ANKS1B: variants seen among roughly 807,000 people sequenced by gnomAD.
The protein encoded by ANKS1B is ankyrin repeat and sterile alpha motif domain-containing protein 1B.
Under a neutral mutation model 148.3 loss-of-function variants are expected in ANKS1B, and 36 were observed. The ratio of observed to expected loss-of-function variants is 0.24; its 90% CI spans 0.19 to 0.32. The LOEUF is 0.32. Ranked by LOEUF, ANKS1B falls within the 10% of genes least tolerant of loss-of-function variation. ANKS1B has a pLI of 1.00. For missense variants in ANKS1B, 1,157 were observed against 1,542.6 expected (o/e 0.75, Z 4.19); for synonymous variants, 542 against 560.8 (o/e 0.97, Z 0.47).
intron 11 of ANKS1B, among the ~76,000 whole-genome samples, chr12:99,430,258 A>G (rs2095346464): frequency 6.6e-6 from 1 of 152,198 alleles, no homozygotes. Flanking sequence ...TCAAGTCAAA[A>G]GAATTAAGAC....
intron 25 of ANKS1B, among the ~76,000 whole-genome samples, chr12:98,768,426 T>TAAAAA (rs386377533): frequency 0.038 from 1,754 of 46,690 alleles, 212 homozygotes; most frequent in Middle Eastern, 0.056. Flanking sequence ...GGGTGCTCTC[T>TAAAAA]AAAAAAAAAA....
At chr12:98,890,005 G>A (rs527369976) in intron 17 of ANKS1B, among the ~76,000 whole-genome samples, 16 of 152,236 alleles carry the variant, frequency 1.1e-4, no homozygotes, top group South Asian at 8.3e-4. Flanking sequence ...TAAGAGCAGC[G>A]AACGAGAGGA....
chr12:99,454,057 G>C (rs2095804498), intron 10 of ANKS1B, among the ~76,000 whole-genome samples: 1 of 152,150 alleles, frequency 6.6e-6, no homozygotes, highest in Admixed American at 6.5e-5. Context: ...ATATGCAACA[G>C]GGCAGAAGCA....
intron 9 of ANKS1B, among the ~76,000 whole-genome samples, chr12:99,520,396 A>G (rs574525932): frequency 2.6e-5 from 4 of 152,298 alleles, no homozygotes; most frequent in Admixed American, 6.5e-5. Context: ...ATGTCATGCC[A>G]TTCTCTCCTG....
intron 9 of ANKS1B, among the ~76,000 whole-genome samples, chr12:99,555,271 A>C (rs1054622110): frequency 3.9e-5 from 6 of 152,228 alleles, no homozygotes; most frequent in Middle Eastern, 3.4e-3. Flanking sequence ...TTACATTCCC[A>C]CAAGCAGTAT....
downstream of ANKS1B, among the ~76,000 whole-genome samples, chr12:98,740,884 T>C (rs1443667810): frequency 6.6e-6 from 1 of 152,188 alleles, no homozygotes; most frequent in Non-Finnish European, 1.5e-5. Context: ...GTCCTTACCA[T>C]CTTTTCTAAT....
intron 8 of ANKS1B, among the ~76,000 whole-genome samples, chr12:99,759,234 T>C (rs1218391001): frequency 2.0e-5 from 3 of 151,882 alleles, no homozygotes; most frequent in Non-Finnish European, 4.4e-5. Flanking sequence ...AAAGCATAGA[T>C]GGCAGATGCA....
At chr12:99,776,660 A>AG (rs1453863626) in intron 6 of ANKS1B, among the ~76,000 whole-genome samples, 17 of 144,594 alleles carry the variant, frequency 1.2e-4, no homozygotes, top group Admixed American at 9.9e-4. Flanking sequence ...CTAAAATCCT[A>AG]GGGTTTTTTT....
intron 9 of ANKS1B, among the ~76,000 whole-genome samples, chr12:99,545,171 G>A (rs1307504482): frequency 6.6e-6 from 1 of 152,080 alleles, no homozygotes; most frequent in Non-Finnish European, 1.5e-5. Flanking sequence ...ACACCCATGA[G>A]GGAGCTCTAT....
At chr12:99,549,426 T>C (rs964900654) in intron 9 of ANKS1B, among the ~76,000 whole-genome samples, 1 of 152,214 alleles carries the variant, frequency 6.6e-6, no homozygotes, top group South Asian at 2.1e-4. Context: ...CTGGTATTCA[T>C]GAAAACCAAC....
chr12:99,559,752 C>T (rs994294425), intron 9 of ANKS1B, among the ~76,000 whole-genome samples: 17 of 152,262 alleles, frequency 1.1e-4, no homozygotes, highest in African/African-American at 4.1e-4. Context: ...CTGCAATACT[C>T]TAGTGCCTAA....
intron 2 of ANKS1B, among the ~76,000 whole-genome samples, chr12:99,815,657 C>T (rs1473790709): frequency 6.6e-6 from 1 of 151,584 alleles, no homozygotes; most frequent in African/African-American, 2.4e-5. Flanking sequence ...AACCTCCCTC[C>T]ACCAGTCCCC....
At chr12:98,946,535 A>C (rs943362479) in intron 17 of ANKS1B, among the ~76,000 whole-genome samples, 4 of 152,164 alleles carry the variant, frequency 2.6e-5, no homozygotes, top group African/African-American at 4.8e-5. Flanking sequence ...TAATAAATCT[A>C]ATAAATCAGG....
At chr12:99,193,228 G>C (rs1272476165) in intron 14 of ANKS1B, among the ~76,000 whole-genome samples, 1 of 150,440 alleles carries the variant, frequency 6.6e-6, no homozygotes, top group African/African-American at 2.4e-5. Context: ...TGGCAATTGA[G>C]AAGACTGCAG....
chr12:98,800,630 G>T (rs886341092), intron 21 of ANKS1B, among the ~76,000 whole-genome samples: 3 of 145,716 alleles, frequency 2.1e-5, no homozygotes, highest in Non-Finnish European at 4.6e-5. Flanking sequence ...TACATAAAGT[G>T]GCAGACCCAG....
chr12:99,181,462 T>C (rs985628708), intron 14 of ANKS1B, among the ~76,000 whole-genome samples: 7 of 152,294 alleles, frequency 4.6e-5, no homozygotes, highest in African/African-American at 1.7e-4. Context: ...AACAGCAAAT[T>C]AGTGAACAAA....
intron 10 of ANKS1B, among the ~76,000 whole-genome samples, chr12:99,454,344 T>C (rs1315559030): frequency 1.3e-5 from 2 of 152,244 alleles, no homozygotes; most frequent in Non-Finnish European, 1.5e-5. Context: ...CACAAGGCTA[T>C]AGTCACTTTA....
intron 1 of ANKS1B, among the ~76,000 whole-genome samples, chr12:99,871,614 G>C (rs1391146479): frequency 1.3e-5 from 2 of 152,084 alleles, no homozygotes; most frequent in African/African-American, 4.8e-5. Flanking sequence ...TCTCCTTGTA[G>C]AAATATTTCA....
intron 9 of ANKS1B, among the ~76,000 whole-genome samples, chr12:99,526,317 C>T (rs1042529978): frequency 6.6e-6 from 1 of 152,068 alleles, no homozygotes; most frequent in Admixed American, 6.6e-5. Flanking sequence ...AGAACTTTTG[C>T]CATGTTAAAA....
Sources: allele counts gnomAD v4.1 joint callset (sites outside exome capture counted in the v4.1 genomes callset), GRCh38; gene constraint gnomAD v4.1.1; transcripts MANE v1.5; gene names NCBI Gene and HGNC (gene_info 2026-07-23, HGNC 2026-07-21).